The following HS3ST3B1 variants were observed in gnomAD, a reference collection of about 807,000 sequenced individuals.
HS3ST3B1 encodes the protein heparan sulfate-glucosamine 3-sulfotransferase 3B1.
HS3ST3B1 carries 13 observed loss-of-function variants against 21.3 expected under a neutral mutation model. The ratio of observed to expected loss-of-function variants is 0.61; its 90% CI spans 0.40 to 0.97. HS3ST3B1 has a LOEUF of 0.97. Ranked by LOEUF, HS3ST3B1 falls within the 50% of genes least tolerant of loss-of-function variation. The pLI is 0.00. For missense variants in HS3ST3B1, 459 were observed against 554.8 expected (o/e 0.83, Z 1.73); for synonymous variants, 234 against 254.8 (o/e 0.92, Z 0.78).
intron 1 of HS3ST3B1, among the ~76,000 whole-genome samples, chr17:14,332,569 G>A (rs957769596): frequency 6.6e-6 from 1 of 152,066 alleles, no homozygotes; most frequent in African/African-American, 2.4e-5. Flanking sequence ...AATCTTTCCT[G>A]GAATGGAAAG....
chr17:14,307,477 T>C (rs1909173108), intron 1 of HS3ST3B1, among the ~76,000 whole-genome samples: 1 of 152,148 alleles, frequency 6.6e-6, no homozygotes, highest in African/African-American at 2.4e-5. Flanking sequence ...TCCACATATG[T>C]ATGCTGATTT....
At chr17:14,309,164 G>T (rs1427936680) in intron 1 of HS3ST3B1, among the ~76,000 whole-genome samples, 1 of 152,188 alleles carries the variant, frequency 6.6e-6, no homozygotes, top group Non-Finnish European at 1.5e-5. Context: ...GGCCGGGGGC[G>T]CTACCACGGG....
Position 14,345,785 on chromosome 17 carries a change from A to G in HS3ST3B1, c.*139A>G. On this transcript the variant is annotated 3_prime_UTR_variant, in exon 2 of 2. Coordinates refer to ENST00000360954, the MANE Select transcript of HS3ST3B1 (RefSeq NM_006041.3). ...TTAATTCACTAAGCTGCCTAGCCAC[A>G]CTCTTTAGAGAGTTAGCTTCATAAT... 2 of 1,097,094 alleles carry G rather than the reference A, an allele frequency of 1.8e-6. No individual in the cohort carries two copies. The highest frequency in any genetic ancestry group is 2.5e-6 in the Non-Finnish European group (2 of 788,340). The allele number at this position is 1,097,094 out of a possible 1,614,324, so 68.0% of individuals were successfully genotyped here. A position where few individuals can be genotyped will look rare whatever the true frequency, so the allele number is the denominator to read the frequency against.
chr17:14,319,370 G>A (rs1909590023), intron 1 of HS3ST3B1, among the ~76,000 whole-genome samples: 1 of 152,188 alleles, frequency 6.6e-6, no homozygotes, highest in Non-Finnish European at 1.5e-5. Flanking sequence ...TGTCATTAGG[G>A]CAGTCCCTGA....
chr17:14,303,088 G>A lies in HS3ST3B1; in HGVS notation c.554+1016G>A, dbSNP rs1166676121. 5.9e-5 allele frequency among the ~76,000 whole-genome samples: 9 copies of A among 152,214 alleles called. No homozygotes were observed. The East Asian group carries it at 9.7e-4, about 16-fold the overall frequency. On this transcript the variant is annotated intron_variant, in intron 1 of 1. Coordinates refer to ENST00000360954, the MANE Select transcript of HS3ST3B1 (RefSeq NM_006041.3). This position sits in a 1 kb window ranked among gnomAD's most constrained non-coding sequence, Gnocchi z 5.7. The stretch of plus-strand genomic sequence containing the variant: ...TGGGGTGAGCTGTTGGGTTGCCCGA[G>A]CTTCGGGTAAGGCGCGAGTGGGCAG...
intron 1 of HS3ST3B1, among the ~76,000 whole-genome samples, chr17:14,324,049 A>G (rs371435646): frequency 2.1e-4 from 32 of 152,012 alleles, no homozygotes; most frequent in African/African-American, 7.5e-4. Flanking sequence ...CCTGCCCCCA[A>G]CCCCAACCTA....
chr17:14,324,553 C>A (rs984392861), intron 1 of HS3ST3B1, among the ~76,000 whole-genome samples: 9 of 152,226 alleles, frequency 5.9e-5, no homozygotes, highest in Admixed American at 5.9e-4. Flanking sequence ...TCTTTTACAT[C>A]CCCACTGTCC....
At chr17:14,330,088 G>C (rs971712621) in intron 1 of HS3ST3B1, among the ~76,000 whole-genome samples, 1 of 152,222 alleles carries the variant, frequency 6.6e-6, no homozygotes, top group African/African-American at 2.4e-5. Flanking sequence ...GCCTGACCTT[G>C]AACTCCACTT....
rs1445645703 is a variant in HS3ST3B1 at position 14,349,197 on chromosome 17, G to A, written c.*3551G>A. On this transcript the variant is annotated 3_prime_UTR_variant, in exon 2 of 2. Transcript: ENST00000360954. ...TTATCACTGAGTCTCATTCAACCAAGTAATCTAAAATACTGTGCAAATTCT... is the reference window on the plus strand; with the variant it reads ...TTATCACTGAGTCTCATTCAACCAAATAATCTAAAATACTGTGCAAATTCT... The A allele has an allele frequency of 6.6e-6, 1 of 152,184 alleles. No individual in the cohort carries two copies. The highest frequency in any genetic ancestry group is 6.5e-5 in the Admixed American group (1 of 15,274). The allele number at this position is 152,184 out of a possible 1,614,324, so 9.4% of individuals were successfully genotyped here.
chr17:14,339,628 C>T (rs1910308576), intron 1 of HS3ST3B1, among the ~76,000 whole-genome samples: 1 of 152,162 alleles, frequency 6.6e-6, no homozygotes. Context: ...CAATAACTAC[C>T]ACAAAGGCGT....
At chr17:14,322,294 G>A (rs1941961167) in intron 1 of HS3ST3B1, among the ~76,000 whole-genome samples, 1 of 151,816 alleles carries the variant, frequency 6.6e-6, no homozygotes, top group African/African-American at 2.4e-5. Context: ...TTTGATCTGG[G>A]GCCACTTAAT....
chr17:14,321,237 C>T (rs867739949), intron 1 of HS3ST3B1, among the ~76,000 whole-genome samples: 3 of 152,284 alleles, frequency 2.0e-5, no homozygotes, highest in South Asian at 2.1e-4. Flanking sequence ...AGAGGCTACT[C>T]CCCATATGAT....
At chr17:14,344,435 T>A (rs187923151) in intron 1 of HS3ST3B1, among the ~76,000 whole-genome samples, 2 of 152,354 alleles carry the variant, frequency 1.3e-5, no homozygotes, top group Non-Finnish European at 2.9e-5. Flanking sequence ...ATCAGTTTAC[T>A]TACCTGATTT....
chr17:14,335,525 T>C (rs1910161152), intron 1 of HS3ST3B1, among the ~76,000 whole-genome samples: 1 of 151,994 alleles, frequency 6.6e-6, no homozygotes, highest in African/African-American at 2.4e-5. Context: ...TGAAACTCCA[T>C]CTCTACTAAA....
In HS3ST3B1 at chr17:14,301,789, C is replaced by T; in HGVS notation, c.271C>T (p.Arg91Trp). 1 of 1,556,462 alleles carries T rather than the reference C, an allele frequency of 6.4e-7. No homozygotes were observed. The highest frequency in any genetic ancestry group is 8.7e-7 in the Non-Finnish European group (1 of 1,150,954). ...PDGTPPRLPF[R>W]APPATPLASG... is the part of the protein sequence containing the mutation. ...CGGGACGCCCCCCAGGCTGCCGTTC[C>T]GGGCGCCGCCAGCCACCCCACTGGC... The change falls in exon 1 of 2, where the codon CGG becomes TGG. Residue 91 changes from arginine to tryptophan, a missense_variant. Physicochemically the swap from Arg to Trp is moderately radical, Grantham distance 101. This residue lies in a region of HS3ST3B1 where 317 missense variants were observed against 278.6 expected (regional missense o/e 1.14). Coordinates refer to ENST00000360954, the MANE Select transcript of HS3ST3B1 (RefSeq NM_006041.3).
At chr17:14,342,484 C>T (rs1331037736) in intron 1 of HS3ST3B1, among the ~76,000 whole-genome samples, 2 of 152,080 alleles carry the variant, frequency 1.3e-5, no homozygotes, top group Non-Finnish European at 2.9e-5. Context: ...CGCTTATACA[C>T]ATATGCTGAA....
chr17:14,340,305 T>C (rs1282870558), intron 1 of HS3ST3B1, among the ~76,000 whole-genome samples: 1 of 152,152 alleles, frequency 6.6e-6, no homozygotes, highest in Non-Finnish European at 1.5e-5. Context: ...CCCCAGGTGA[T>C]GTCTGGTCAC....
intron 1 of HS3ST3B1, chr17:14,328,340 T>A (rs1377592242): frequency 6.6e-6 from 1 of 152,214 alleles, no homozygotes; most frequent in Non-Finnish European, 1.5e-5. Context: ...AATAAATGGT[T>A]GACCATGACA....
intron 1 of HS3ST3B1, among the ~76,000 whole-genome samples, chr17:14,318,053 T>G (rs1340182186): frequency 6.6e-6 from 1 of 152,074 alleles, no homozygotes; most frequent in East Asian, 1.9e-4. Flanking sequence ...TCATCCCCAC[T>G]CATTGCCCCT....
Sources: allele counts gnomAD v4.1 joint callset (sites outside exome capture counted in the v4.1 genomes callset), GRCh38; gene constraint gnomAD v4.1.1; regional missense constraint gnomAD v4.1.1; non-coding constraint Gnocchi (gnomAD v3.1); transcripts MANE v1.5; gene names NCBI Gene and HGNC (gene_info 2026-07-23, HGNC 2026-07-21).